TFCP2L1: variants seen among roughly 807,000 people sequenced by gnomAD.
The protein encoded by TFCP2L1 is transcription factor CP2-like protein 1.
A neutral mutation model predicts 72.2 loss-of-function variants in TFCP2L1; 12 were observed. The observed-to-expected ratio is 0.17, with a 90% CI of 0.11 to 0.27. The LOEUF is 0.27. Among genes scored for constraint, TFCP2L1 ranks in the 10% least tolerant of loss-of-function variants. TFCP2L1 has a pLI of 1.00. For synonymous variants in TFCP2L1, 260 were observed against 251.0 expected (o/e 1.04, Z -0.34); for missense variants, 488 against 624.6 (o/e 0.78, Z 2.33).
chr2:121,271,735 G>GA (rs1372801074), intron 2 of TFCP2L1, among the ~76,000 whole-genome samples: 4 of 152,186 alleles, frequency 2.6e-5, no homozygotes, highest in African/African-American at 9.6e-5. Flanking sequence ...CATAAATGAG[G>GA]AAACTCGGGC....
rs185202985 is a variant in TFCP2L1 at position 121,228,104 on chromosome 2, T to C, written c.1342-2491A>G. 2.5e-3 allele frequency among the ~76,000 whole-genome samples: 381 copies of C among 152,318 alleles called. 3 individuals carry two copies. Among genetic ancestry groups the C allele is most frequent in the Non-Finnish European group, 9.4e-4 (64 of 68,024 alleles). On this transcript the variant is annotated intron_variant, in intron 13 of 14. Coordinates refer to ENST00000263707, the MANE Select transcript of TFCP2L1 (RefSeq NM_014553.3). The stretch of plus-strand genomic sequence containing the variant: ...GCAATTAAGAACCAAAGGTTTCCAA[T>C]AGATTCGGGGTTAAGAGGCAAGGAG...
chr2:121,273,476 A>G (rs1441477285), intron 2 of TFCP2L1, among the ~76,000 whole-genome samples: 1 of 152,230 alleles, frequency 6.6e-6, no homozygotes, highest in Non-Finnish European at 1.5e-5. Context: ...ACCTTTTCAG[A>G]GGAAGAGAAC....
rs907783780 is a variant in TFCP2L1, at chr2:121,225,936, G to A, written c.1342-323C>T. ...GGAACGTGGTAAACACCACTGCCAC[G>A]GTGTCTACACACACGGGAACACGGT... On this transcript the variant is annotated intron_variant, in intron 13 of 14. Coordinates refer to ENST00000263707, the MANE Select transcript of TFCP2L1 (RefSeq NM_014553.3). Among the ~76,000 whole-genome samples, 8 of 145,634 alleles carry A rather than the reference G, an allele frequency of 5.5e-5. 1 individual carries two copies. The highest frequency in any genetic ancestry group is 2.1e-4 in the African/African-American group (8 of 37,938).
chr2:121,239,763 A>G (rs188239493), intron 7 of TFCP2L1, 114 bp from the exon 8 acceptor site: 1 of 1,055,406 alleles, frequency 9.5e-7, no homozygotes, highest in Non-Finnish European at 1.4e-6. Context: ...CCACCTGTGA[A>G]ACGCAGCCTG....
intron 2 of TFCP2L1, among the ~76,000 whole-genome samples, chr2:121,273,728 T>C (rs978524949): frequency 6.6e-6 from 1 of 152,242 alleles, no homozygotes; most frequent in East Asian, 1.9e-4. Flanking sequence ...GGACCTGTGA[T>C]GGCTTCACAA....
intron 2 of TFCP2L1, among the ~76,000 whole-genome samples, chr2:121,251,026 A>T (rs1347864771): frequency 2.0e-5 from 3 of 151,890 alleles, no homozygotes; most frequent in Non-Finnish European, 2.9e-5. Flanking sequence ...CACCCAGCTG[A>T]GGCAGGTGGG....
intron 2 of TFCP2L1, among the ~76,000 whole-genome samples, chr2:121,276,956 AT>A (rs1351963555): frequency 6.6e-6 from 1 of 152,038 alleles, no homozygotes; most frequent in African/African-American, 2.4e-5. Context: ...AAAAAAAAAA[AT>A]CACAACATAT....
intron 2 of TFCP2L1, 64 bp downstream of exon 2, chr2:121,281,056 G>C: frequency 6.2e-7 from 1 of 1,605,808 alleles, no homozygotes; most frequent in Non-Finnish European, 8.5e-7. Flanking sequence ...GCCCAAATGG[G>C]CCTTTCGCAT....
intron 7 of TFCP2L1, among the ~76,000 whole-genome samples, chr2:121,241,248 C>A (rs1686361226): frequency 6.6e-6 from 1 of 152,186 alleles, no homozygotes; most frequent in African/African-American, 2.4e-5. Context: ...AATCCCAGCA[C>A]TTTGGGAGGC....
intron 1 of TFCP2L1, 83 bp downstream of exon 1, chr2:121,284,964 GC>G (rs1687337817): frequency 2.4e-6 from 3 of 1,236,616 alleles, no homozygotes; most frequent in South Asian, 1.9e-5. Flanking sequence ...CAGCAGGGGC[GC>G]CCCCTCTCCG....
chr2:121,242,854 G>C (rs1686407235), intron 6 of TFCP2L1, among the ~76,000 whole-genome samples: 1 of 152,166 alleles, frequency 6.6e-6, no homozygotes, highest in African/African-American at 2.4e-5. Context: ...CTGGCCATAA[G>C]CTGAAGGCCT....
At position 121,239,554 on chromosome 2, in the gene TFCP2L1, G is replaced by T. The variant is rs778466239; in HGVS notation, c.860+4C>A. On this transcript the variant is annotated splice_donor_region_variant and intron_variant, in intron 8 of 14. Coordinates refer to ENST00000263707, the MANE Select transcript of TFCP2L1 (RefSeq NM_014553.3). ...GAACCCGAAGAAAGAGAGGTGGGAC[G>T]TACCCTTCGCCGAGGCCAAAGCTGT... 1 of 1,614,048 alleles carries T rather than the reference G, an allele frequency of 6.2e-7. No homozygotes were observed. Among genetic ancestry groups the T allele is most frequent in the African/African-American group, 1.3e-5 (1 of 75,046 alleles).
chr2:121,217,582 AG>A lies in TFCP2L1; in HGVS notation c.*6758del, dbSNP rs1685858003. On this transcript the variant is annotated 3_prime_UTR_variant, in exon 15 of 15. Transcript: ENST00000263707. ...CACTGTGAGCAGTCCCCTTTGTAGCAGGAAGAGCAGCTGGACACATGGGAAG... is the reference window on the plus strand; with the variant it reads ...CACTGTGAGCAGTCCCCTTTGTAGCAGAAGAGCAGCTGGACACATGGGAAG... 1.3e-5 allele frequency: 2 copies of A among 152,630 alleles called. No individual in the cohort carries two copies. Among genetic ancestry groups the A allele is most frequent in the Admixed American group, 6.5e-5 (1 of 15,296 alleles). The allele number at this position is 152,630 out of a possible 1,614,324, so 9.5% of individuals were successfully genotyped here. A position where few individuals can be genotyped will look rare whatever the true frequency, so the allele number is the denominator to read the frequency against.
At chr2:121,265,545 G>A (rs1297787363) in intron 2 of TFCP2L1, among the ~76,000 whole-genome samples, 1 of 151,772 alleles carries the variant, frequency 6.6e-6, no homozygotes, top group Non-Finnish European at 1.5e-5. Context: ...GTGCAGCGGT[G>A]CAATCTCGGC....
Position 121,224,273 on chromosome 2 carries a change from G to A in TFCP2L1, c.*68C>T, listed in dbSNP as rs1251860283. On this transcript the variant is annotated 3_prime_UTR_variant, in exon 15 of 15. Coordinates refer to ENST00000263707, the MANE Select transcript of TFCP2L1 (RefSeq NM_014553.3). Reference sequence around the variant, plus strand: ...CTGGTGAGGCCACAGCTTACAGTGGGGCAATGTCTACATCCACGGGGATCC... The same window carrying A: ...CTGGTGAGGCCACAGCTTACAGTGGAGCAATGTCTACATCCACGGGGATCC... 1.9e-6 allele frequency: 3 copies of A among 1,584,236 alleles called. No homozygotes were observed. The highest frequency in any genetic ancestry group is 1.7e-5 in the Admixed American group (1 of 58,864).
chr2:121,241,396 C>A (rs1686364038), intron 7 of TFCP2L1, among the ~76,000 whole-genome samples: 1 of 152,096 alleles, frequency 6.6e-6, no homozygotes, highest in Admixed American at 6.5e-5. Flanking sequence ...CTGGGGGAGG[C>A]CGAGGCAGGA....
intron 2 of TFCP2L1, among the ~76,000 whole-genome samples, chr2:121,258,289 G>C (rs2104724210): frequency 6.6e-6 from 1 of 152,188 alleles, no homozygotes; most frequent in East Asian, 1.9e-4. Context: ...GGGGCACTTT[G>C]GTAATACCCA....
intron 2 of TFCP2L1, among the ~76,000 whole-genome samples, chr2:121,269,404 C>T (rs6749550): frequency 0.021 from 3,262 of 152,076 alleles, 135 homozygotes; most frequent in African/African-American, 0.074. Flanking sequence ...GCTGTAATCG[C>T]ACCACTGCAC....
chr2:121,249,233 G>GTCCCC, intron 3 of TFCP2L1, 146 bp from the exon 4 acceptor site: 2 of 619,018 alleles, frequency 3.2e-6, no homozygotes, highest in Non-Finnish European at 5.7e-6. Context: ...TTTGCCCACT[G>GTCCCC]TCCCCTCCTC....
Sources: allele counts gnomAD v4.1 joint callset (sites outside exome capture counted in the v4.1 genomes callset), GRCh38; gene constraint gnomAD v4.1.1; transcripts MANE v1.5; gene names NCBI Gene and HGNC (gene_info 2026-07-23, HGNC 2026-07-21).